PKHD1: variants seen among roughly 807,000 people sequenced by gnomAD.
PKHD1 encodes the protein fibrocystin.
Under a neutral mutation model 412.0 loss-of-function variants are expected in PKHD1, and 291 were observed. That is an observed-to-expected ratio of 0.71 (90% confidence interval 0.64 to 0.78). The LOEUF (loss-of-function observed/expected upper bound fraction) is 0.78. Ranked by LOEUF, PKHD1 falls within the 30% of genes least tolerant of loss-of-function variation. The pLI, the probability that PKHD1 is intolerant of heterozygous loss-of-function variation, is 0.00. For missense variants in PKHD1, 4,825 were observed against 4,950.7 expected (o/e 0.97, Z 0.76); for synonymous variants, 1,777 against 1,821.5 (o/e 0.98, Z 0.62).
intron 52 of PKHD1, among the ~76,000 whole-genome samples, chr6:51,800,373 C>T (rs146621797): frequency 5.9e-5 from 9 of 152,012 alleles, no homozygotes; most frequent in African/African-American, 2.2e-4. Context: ...TATCCCTGCA[C>T]CAAATGCAAC....
chr6:51,668,761 G>T (rs959374788), intron 60 of PKHD1, among the ~76,000 whole-genome samples: 2 of 152,170 alleles, frequency 1.3e-5, no homozygotes, highest in African/African-American at 4.8e-5. Context: ...ATGAAGTGTT[G>T]TTGAATTTTG....
At chr6:51,920,406 C>T (rs960251409) in intron 37 of PKHD1, among the ~76,000 whole-genome samples, 11 of 152,048 alleles carry the variant, frequency 7.2e-5, no homozygotes, top group Non-Finnish European at 1.2e-4. Flanking sequence ...GTCTTTGGTT[C>T]GGTTTATATG....
chr6:51,942,408 C>T (rs2127815733), intron 36 of PKHD1, among the ~76,000 whole-genome samples: 1 of 151,834 alleles, frequency 6.6e-6, no homozygotes, highest in Admixed American at 6.6e-5. Flanking sequence ...AAACCATAAA[C>T]TATGCTTAAC....
At chr6:51,874,521 A>G (rs575924154) in intron 46 of PKHD1, among the ~76,000 whole-genome samples, 18 of 152,334 alleles carry the variant, frequency 1.2e-4, no homozygotes, top group African/African-American at 4.3e-4. Flanking sequence ...TCTGATGATA[A>G]AAAGTTCTTC....
intron 6 of PKHD1, among the ~76,000 whole-genome samples, chr6:52,074,422 G>T (rs1436949275): frequency 6.6e-6 from 1 of 152,122 alleles, no homozygotes. Flanking sequence ...CACAGAGTTG[G>T]CAGAAATCCA....
Position 51,642,567 on chromosome 6 carries a change from C to T in PKHD1, c.11399-3611G>A, listed in dbSNP as rs148890237. Among the ~76,000 whole-genome samples the T allele has an allele frequency of 3.3e-5, 5 of 152,156 alleles. No individual in the cohort carries two copies. In the East Asian group the frequency reaches 5.8e-4, roughly 18 times the overall value. On this transcript the variant is annotated intron_variant, in intron 63 of 66. Coordinates refer to ENST00000371117, the MANE Select transcript of PKHD1 (RefSeq NM_138694.4). ...ATATAAGTAAGGGATGGGCTGGGCA[C>T]GGTGGCTCACACCTGTAATCCCGAC...
intron 58 of PKHD1, among the ~76,000 whole-genome samples, chr6:51,747,122 C>A (rs921009459): frequency 1.1e-4 from 17 of 152,106 alleles, no homozygotes; most frequent in African/African-American, 3.9e-4. Flanking sequence ...CCTTTAAGAG[C>A]AATATGGCTT....
intron 35 of PKHD1, among the ~76,000 whole-genome samples, chr6:51,982,270 G>C (rs1795507691): frequency 1.8e-5 from 1 of 54,980 alleles, no homozygotes; most frequent in African/African-American, 4.3e-5. Flanking sequence ...TGGGAAGTGA[G>C]GAGCCCCTCT....
Position 51,886,036 on chromosome 6 carries a change from G to T in PKHD1, c.7110-64C>A, listed in dbSNP as rs867926839. 131 of 986,506 alleles carry T rather than the reference G, an allele frequency of 1.3e-4. No homozygotes were observed. The Middle Eastern group carries it at 8.0e-3, about 60-fold the overall frequency. The allele number at this position is 986,506 out of a possible 1,614,324, so 61.1% of individuals were successfully genotyped here. A position where few individuals can be genotyped will look rare whatever the true frequency, so the allele number is the denominator to read the frequency against. ...TGTTTCTAACTTTCTACTTTTTCTT[G>T]TTGAAAAATACAAAGTAAAAGTAAT... On this transcript the variant is annotated intron_variant, in intron 44 of 66. Transcript: ENST00000371117.
intron 52 of PKHD1, among the ~76,000 whole-genome samples, chr6:51,826,056 G>A (rs1444960343): frequency 2.0e-5 from 3 of 152,090 alleles, no homozygotes; most frequent in African/African-American, 7.2e-5. Context: ...AAAGGTGAAT[G>A]AAGTCAATAG....
chr6:51,864,153 T>C (rs562736604), intron 48 of PKHD1, among the ~76,000 whole-genome samples: 2 of 152,192 alleles, frequency 1.3e-5, no homozygotes, highest in South Asian at 2.1e-4. Flanking sequence ...CACAAATAAG[T>C]TGAATGTGGC....
chr6:51,656,387 C>T (rs773941640), intron 61 of PKHD1, among the ~76,000 whole-genome samples: 11 of 151,880 alleles, frequency 7.2e-5, no homozygotes, highest in Non-Finnish European at 1.5e-4. Context: ...AAATACCTAA[C>T]GCATGTGGGG....
chr6:51,874,783 C>CCAGGCGTGGTGGCAGGT (rs1445506685), intron 46 of PKHD1, among the ~76,000 whole-genome samples: 1 of 121,516 alleles, frequency 8.2e-6, no homozygotes, highest in African/African-American at 3.1e-5. Flanking sequence ...AAAAAATGAG[C>CCAGGCGTGGTGGCAGGT]TCCGGTCTAC....
chr6:52,082,902 A>G (rs747076885), intron 3 of PKHD1, among the ~76,000 whole-genome samples: 1 of 152,184 alleles, frequency 6.6e-6, no homozygotes, highest in East Asian at 1.9e-4. Flanking sequence ...GCACTATGCT[A>G]CACACTTCCA....
intron 34 of PKHD1, among the ~76,000 whole-genome samples, chr6:52,010,912 A>G (rs1300467504): frequency 6.6e-6 from 1 of 152,034 alleles, no homozygotes; most frequent in African/African-American, 2.4e-5. Context: ...GCAGATGGAG[A>G]AATTGGAAAA....
chr6:51,848,114 T>C (rs1771540614), intron 49 of PKHD1, 144 bp from the exon 50 acceptor site: 2 of 670,728 alleles, frequency 3.0e-6, no homozygotes, highest in Admixed American at 4.5e-5. Context: ...ACCCAGATTG[T>C]ACTTTTCTTG....
rs1186720532 is a variant in PKHD1, at chr6:52,053,023, G to C, written c.2140+53C>G. On this transcript the variant is annotated intron_variant, in intron 21 of 66. Coordinates refer to ENST00000371117, the MANE Select transcript of PKHD1 (RefSeq NM_138694.4). ...AAAAACAGTAACCCCTAGCAGGAAA[G>C]TTTGAGGTAGGCATGTGACCGGCTT... 3 of 1,564,722 alleles carry C rather than the reference G, an allele frequency of 1.9e-6. No individual in the cohort carries two copies. The African/African-American group carries it at 4.1e-5, about 21-fold the overall frequency.
chr6:51,919,464 C>A (rs1027101048), intron 37 of PKHD1, among the ~76,000 whole-genome samples: 1 of 152,144 alleles, frequency 6.6e-6, no homozygotes, highest in African/African-American at 2.4e-5. Context: ...TTTCTGAGGG[C>A]TCTGTTCTGT....
intron 36 of PKHD1, among the ~76,000 whole-genome samples, chr6:51,947,255 G>A (rs114754595): frequency 6.6e-6 from 1 of 152,068 alleles, no homozygotes; most frequent in Non-Finnish European, 1.5e-5. Flanking sequence ...CTCCTCACTT[G>A]CCCAGCCTCT....
Sources: allele counts gnomAD v4.1 joint callset (sites outside exome capture counted in the v4.1 genomes callset), GRCh38; gene constraint gnomAD v4.1.1; transcripts MANE v1.5; gene names NCBI Gene and HGNC (gene_info 2026-07-23, HGNC 2026-07-21).